GPC5: variants seen among roughly 807,000 people sequenced by gnomAD.
The protein encoded by GPC5 is glypican-5.
A neutral mutation model predicts 53.9 loss-of-function variants in GPC5; 47 were observed. The ratio of observed to expected loss-of-function variants is 0.87; its 90% confidence interval spans 0.69 to 1.11. GPC5 has a LOEUF of 1.11. Ranked by LOEUF, GPC5 falls within the 50% of genes most tolerant of loss-of-function variation. The probability of loss-of-function intolerance (pLI) is 0.00; values close to 1 mark genes in which losing one functional copy is unlikely to be tolerated. For missense variants in GPC5, 748 were observed against 713.1 expected, an observed-to-expected ratio of 1.05 and a Z score of -0.56; for synonymous variants, 286 against 263.3, an observed-to-expected ratio of 1.09 and a Z score of -0.84.
chr13:92,475,638 A>C (rs1290384414), intron 7 of GPC5, among the ~76,000 whole-genome samples: 1 of 152,154 alleles, frequency 6.6e-6, no homozygotes, highest in Admixed American at 6.6e-5. Context: ...TTCAAACTAT[A>C]CTACAAGGCT....
intron 7 of GPC5, among the ~76,000 whole-genome samples, chr13:92,666,505 C>T (rs369055885): frequency 2.8e-5 from 4 of 141,494 alleles, no homozygotes; most frequent in East Asian, 1.9e-4. Context: ...AATAAAAATG[C>T]TAATTATACA....
At chr13:92,307,911 A>G (rs1009265190) in intron 7 of GPC5, among the ~76,000 whole-genome samples, 3 of 152,216 alleles carry the variant, frequency 2.0e-5, no homozygotes, top group African/African-American at 7.2e-5. Flanking sequence ...TGTTATGTCC[A>G]TGTTTAATAC....
At chr13:92,128,334 A>G (rs2041716567) in intron 6 of GPC5, among the ~76,000 whole-genome samples, 1 of 152,142 alleles carries the variant, frequency 6.6e-6, no homozygotes, top group Admixed American at 6.5e-5. Context: ...GTTATTACAC[A>G]TTTCTCTCCA....
At chr13:92,443,543 C>T (rs991182016) in intron 7 of GPC5, among the ~76,000 whole-genome samples, 5 of 151,578 alleles carry the variant, frequency 3.3e-5, no homozygotes, top group African/African-American at 4.8e-5. Flanking sequence ...ACTTGTGTTA[C>T]AAAAAAAACA....
chr13:92,435,835 G>A (rs1254275456), intron 7 of GPC5, among the ~76,000 whole-genome samples: 3 of 152,148 alleles, frequency 2.0e-5, no homozygotes, highest in African/African-American at 4.8e-5. Flanking sequence ...TTTAAAAATA[G>A]TCTGAATTTG....
chr13:92,500,070 A>C (rs1447748140), intron 7 of GPC5, among the ~76,000 whole-genome samples: 1 of 152,172 alleles, frequency 6.6e-6, no homozygotes, highest in Non-Finnish European at 1.5e-5. Context: ...AAGTTTCTCC[A>C]GCCTGGACTC....
intron 7 of GPC5, among the ~76,000 whole-genome samples, chr13:92,523,965 C>A (rs1881173653): frequency 6.6e-6 from 1 of 152,046 alleles, no homozygotes; most frequent in South Asian, 2.1e-4. Context: ...TCATCTGAGC[C>A]TTCAGCGAGT....
intron 7 of GPC5, among the ~76,000 whole-genome samples, chr13:92,859,631 A>G (rs1165563865): frequency 1.3e-5 from 2 of 152,130 alleles, no homozygotes; most frequent in African/African-American, 2.4e-5. Flanking sequence ...GAACTAGTAT[A>G]TAACTGAGTA....
chr13:91,492,600 C>A (rs149938659), intron 2 of GPC5, among the ~76,000 whole-genome samples: 4 of 152,322 alleles, frequency 2.6e-5, no homozygotes, highest in African/African-American at 9.6e-5. Context: ...GATGCCCACA[C>A]ATTGTGGAGT....
At chr13:91,477,725 G>A (rs772020224) in intron 2 of GPC5, among the ~76,000 whole-genome samples, 20 of 152,178 alleles carry the variant, frequency 1.3e-4, no homozygotes, top group Non-Finnish European at 2.1e-4. Context: ...CAGCCAGAGA[G>A]CCAGGGCAAG....
intron 6 of GPC5, among the ~76,000 whole-genome samples, chr13:92,093,327 TTAAGTA>T (rs1324165676): frequency 3.3e-5 from 5 of 152,140 alleles, no homozygotes; most frequent in African/African-American, 1.2e-4. Flanking sequence ...AGAAGTATTT[TTAAGTA>T]TATTTTTCTT....
intron 6 of GPC5, among the ~76,000 whole-genome samples, chr13:92,042,071 C>A (rs1006710966): frequency 6.6e-6 from 1 of 152,148 alleles, no homozygotes; most frequent in African/African-American, 2.4e-5. Context: ...TGCACAAGAA[C>A]ACAGCTGACT....
At chr13:92,271,328 C>A (rs930217915) in intron 7 of GPC5, among the ~76,000 whole-genome samples, 17 of 152,216 alleles carry the variant, frequency 1.1e-4, no homozygotes, top group African/African-American at 4.1e-4. Flanking sequence ...CCTGTTACTT[C>A]TAGCAAAAAT....
intron 6 of GPC5, among the ~76,000 whole-genome samples, chr13:91,977,287 C>T (rs1266847950): frequency 2.0e-5 from 3 of 152,002 alleles, no homozygotes; most frequent in Non-Finnish European, 4.4e-5. Context: ...ATTTTAATTC[C>T]ATATATAAGG....
At chr13:92,770,435 A>G (rs1344641185) in intron 7 of GPC5, among the ~76,000 whole-genome samples, 1 of 149,388 alleles carries the variant, frequency 6.7e-6, no homozygotes, top group Admixed American at 6.7e-5. Context: ...AAAAAAAAAA[A>G]GCACCAAAAA....
chr13:92,208,349 G>T (rs2139071206), intron 7 of GPC5, among the ~76,000 whole-genome samples: 1 of 152,290 alleles, frequency 6.6e-6, no homozygotes, highest in African/African-American at 2.4e-5. Flanking sequence ...GACCTATATG[G>T]GTGGGCTGTT....
chr13:91,790,376 T>C (rs1196519099), intron 5 of GPC5, among the ~76,000 whole-genome samples: 1 of 152,224 alleles, frequency 6.6e-6, no homozygotes, highest in Admixed American at 6.5e-5. Flanking sequence ...GTGATGCTTT[T>C]CTTGCCTATT....
intron 7 of GPC5, among the ~76,000 whole-genome samples, chr13:92,521,327 T>C (rs1174432430): frequency 1.3e-5 from 2 of 152,290 alleles, no homozygotes; most frequent in East Asian, 3.9e-4. Flanking sequence ...AAGACAATCC[T>C]AAGCCAAAAG....
intron 7 of GPC5, among the ~76,000 whole-genome samples, chr13:92,746,947 T>C (rs1366889177): frequency 1.3e-5 from 2 of 152,146 alleles, no homozygotes; most frequent in Non-Finnish European, 2.9e-5. Flanking sequence ...CTTAAGTATA[T>C]GGTATAGCTT....
Sources: allele counts gnomAD v4.1 joint callset (sites outside exome capture counted in the v4.1 genomes callset), GRCh38; gene constraint gnomAD v4.1.1; transcripts MANE v1.5; gene names NCBI Gene and HGNC (gene_info 2026-07-23, HGNC 2026-07-21).